The following ARHGAP15 variants were observed in gnomAD, a reference collection of about 807,000 sequenced individuals.
ARHGAP15 encodes the protein Rho GTPase activating protein 15.
A neutral mutation model predicts 63.7 loss-of-function variants in ARHGAP15; 51 were observed. The observed-to-expected ratio is 0.80, with a 90% CI of 0.64 to 1.01. The LOEUF (loss-of-function observed/expected upper bound fraction) is 1.01. Ranked by LOEUF, ARHGAP15 falls within the 50% of genes least tolerant of loss-of-function variation. The probability of loss-of-function intolerance (pLI) is 0.00; values close to 1 mark genes in which losing one functional copy is unlikely to be tolerated. For synonymous variants in ARHGAP15, 191 were observed against 193.8 expected (o/e 0.99, Z 0.12); for missense variants, 560 against 564.6 (o/e 0.99, Z 0.08).
chr2:143,499,747 A>G (rs1033660719), intron 9 of ARHGAP15, among the ~76,000 whole-genome samples: 1 of 152,126 alleles, frequency 6.6e-6, no homozygotes, highest in African/African-American at 2.4e-5. Context: ...AGTGTTGTGT[A>G]CATCTCTTTC....
At chr2:143,575,534 A>C (rs1404714919) in intron 11 of ARHGAP15, among the ~76,000 whole-genome samples, 1 of 152,112 alleles carries the variant, frequency 6.6e-6, no homozygotes, top group East Asian at 1.9e-4. Flanking sequence ...TTTATGCCCC[A>C]GTAGGGGGAG....
At chr2:143,750,137 A>G (rs1204504416) in intron 13 of ARHGAP15, among the ~76,000 whole-genome samples, 3 of 152,234 alleles carry the variant, frequency 2.0e-5, no homozygotes, top group African/African-American at 7.2e-5. Flanking sequence ...GTAATCACAT[A>G]TAATAAAAAT....
At chr2:143,308,431 A>G (rs1354786152) in intron 6 of ARHGAP15, among the ~76,000 whole-genome samples, 1 of 151,778 alleles carries the variant, frequency 6.6e-6, no homozygotes, top group Non-Finnish European at 1.5e-5. Flanking sequence ...CTATTCTTTA[A>G]AATCAAGGGT....
chr2:143,213,374 AT>A, intron 3 of ARHGAP15, among the ~76,000 whole-genome samples: 1 of 152,048 alleles, frequency 6.6e-6, no homozygotes, highest in Non-Finnish European at 1.5e-5. Context: ...TTAGCTGGTC[AT>A]GGTGGCACAT....
intron 10 of ARHGAP15, among the ~76,000 whole-genome samples, chr2:143,530,193 A>T (rs920368356): frequency 1.3e-5 from 2 of 152,176 alleles, no homozygotes; most frequent in African/African-American, 2.4e-5. Flanking sequence ...TCCAGAATGT[A>T]AAGAAATTAC....
At chr2:143,543,170 A>G (rs1390103112) in intron 10 of ARHGAP15, among the ~76,000 whole-genome samples, 1 of 152,016 alleles carries the variant, frequency 6.6e-6, no homozygotes, top group African/African-American at 2.4e-5. Flanking sequence ...AATAATATAA[A>G]AGGGTTTCCT....
chr2:143,203,126 A>G (rs1275110754), intron 3 of ARHGAP15, among the ~76,000 whole-genome samples: 1 of 151,920 alleles, frequency 6.6e-6, no homozygotes, highest in Non-Finnish European at 1.5e-5. Context: ...ATTCCTGTCT[A>G]TCTCTAGCTA....
At chr2:143,361,519 A>C (rs1272976259) in intron 6 of ARHGAP15, among the ~76,000 whole-genome samples, 2 of 152,146 alleles carry the variant, frequency 1.3e-5, no homozygotes, top group African/African-American at 4.8e-5. Context: ...GTCACAGAAG[A>C]TTCTGTGTTG....
At chr2:143,767,965 AT>A (rs144009779) in intron 13 of ARHGAP15, 23 bp from the exon 14 acceptor site, 74 of 1,582,352 alleles carry the variant, frequency 4.7e-5, no homozygotes, top group East Asian at 9.0e-5. Flanking sequence ...CAGTGAAATT[AT>A]TTTTTTTTCT....
At chr2:143,306,626 C>T (rs2105172854) in intron 6 of ARHGAP15, among the ~76,000 whole-genome samples, 1 of 152,208 alleles carries the variant, frequency 6.6e-6, no homozygotes, top group South Asian at 2.1e-4. Context: ...ACAAGTATAA[C>T]TAGTCTGAAG....
intron 6 of ARHGAP15, among the ~76,000 whole-genome samples, chr2:143,386,196 A>G (rs542011560): frequency 6.6e-6 from 1 of 152,278 alleles, no homozygotes; most frequent in African/African-American, 2.4e-5. Flanking sequence ...GAGCTGATAT[A>G]TCATTTGTGT....
intron 6 of ARHGAP15, among the ~76,000 whole-genome samples, chr2:143,362,364 C>T (rs1471246429): frequency 6.6e-6 from 1 of 152,272 alleles, no homozygotes; most frequent in Non-Finnish European, 1.5e-5. Flanking sequence ...TCCTAAAATA[C>T]CTTCTTCTCT....
intron 8 of ARHGAP15, among the ~76,000 whole-genome samples, chr2:143,447,563 C>G (rs1027629303): frequency 1.3e-5 from 2 of 152,108 alleles, no homozygotes; most frequent in African/African-American, 4.8e-5. Flanking sequence ...CAGTCATTAG[C>G]TTAAACCAGG....
intron 3 of ARHGAP15, among the ~76,000 whole-genome samples, chr2:143,206,108 G>A (rs531897360): frequency 4.6e-5 from 7 of 152,248 alleles, no homozygotes; most frequent in African/African-American, 1.7e-4. Flanking sequence ...TTACCCTGAA[G>A]GAGCTTGGAT....
intron 4 of ARHGAP15, among the ~76,000 whole-genome samples, chr2:143,224,474 G>T (rs756773916): frequency 1.3e-5 from 2 of 152,084 alleles, no homozygotes; most frequent in African/African-American, 4.8e-5. Flanking sequence ...GGAGAGAGGT[G>T]GTTTCTATTT....
At position 143,185,254 on chromosome 2, in the gene ARHGAP15, A is replaced by G. The variant is rs368208763; in HGVS notation, c.166-16880A>G. On this transcript the variant is annotated intron_variant, in intron 2 of 13. Transcript: ENST00000295095. ...CTAGAATGGTGTGGATATGGTCTCT[A>G]CTTAAAAGAAAAATAATCTTTTTCT... is the stretch of plus-strand genomic sequence containing the variant. Among the ~76,000 whole-genome samples, 27 of 152,314 alleles carry G rather than the reference A, an allele frequency of 1.8e-4. No homozygotes were observed. The South Asian group carries it at 5.2e-3, about 29-fold the overall frequency.
At chr2:143,326,426 C>A (rs1363395781) in intron 6 of ARHGAP15, among the ~76,000 whole-genome samples, 1 of 151,918 alleles carries the variant, frequency 6.6e-6, no homozygotes, top group Non-Finnish European at 1.5e-5. Context: ...GGAATTCAAA[C>A]TCATGTCTGC....
chr2:143,174,571 T>A (rs1266384673), intron 2 of ARHGAP15, among the ~76,000 whole-genome samples: 1 of 152,200 alleles, frequency 6.6e-6, no homozygotes, highest in Admixed American at 6.6e-5. Flanking sequence ...ATATAAAGCA[T>A]CTGTGTGCCT....
rs1277540402 is a variant in ARHGAP15 at position 143,734,757 on chromosome 2, C to T, written c.1244+31233C>T. 2.0e-5 allele frequency among the ~76,000 whole-genome samples: 3 copies of T among 152,148 alleles called. No homozygotes were observed. In the East Asian group the frequency reaches 5.8e-4, roughly 29 times the overall value. On this transcript the variant is annotated intron_variant, in intron 13 of 13. Transcript: ENST00000295095. ...GTCCTATTTTAGCAGTTCTTGATTG[C>T]AAGTTAGATTGTACCTGAATGGATT...
Sources: gnomAD v4.1 joint callset for allele counts (sites outside exome capture counted in the v4.1 genomes callset) on GRCh38, gnomAD v4.1.1 for gene constraint, MANE v1.5 for transcripts, NCBI Gene and HGNC (gene_info 2026-07-23, HGNC 2026-07-21) for gene names.